Variants in RASGRF1 observed in about 807,000 individuals in gnomAD.
The protein encoded by RASGRF1 is Ras protein specific guanine nucleotide releasing factor 1.
A neutral mutation model predicts 138.7 loss-of-function variants in RASGRF1; 40 were observed. The ratio of observed to expected loss-of-function variants is 0.29; its 90% confidence interval spans 0.22 to 0.38. The LOEUF is 0.38. RASGRF1 is among the 10% of genes least tolerant of loss of function. RASGRF1 has a pLI of 1.00. For synonymous variants in RASGRF1, 614 were observed against 663.2 expected (o/e 0.93, Z 1.14); for missense variants, 1,108 against 1,650.4 (o/e 0.67, Z 5.69).
intron 1 of RASGRF1, among the ~76,000 whole-genome samples, chr15:79,080,154 C>T (rs539764381): frequency 1.3e-5 from 2 of 152,224 alleles, no homozygotes; most frequent in Non-Finnish European, 2.9e-5. Flanking sequence ...GCCTGTTTCC[C>T]TCCTTGCTCA....
chr15:79,027,344 A>T lies in RASGRF1; in HGVS notation c.1381+397T>A, dbSNP rs1272083762. ...GAGGAAAGGACAGGGGAATGGACCC[A>T]ACACTGACCTCCTCCCAGACACTGA... On this transcript the variant is annotated intron_variant, in intron 9 of 26. Coordinates refer to ENST00000558480, the MANE Select transcript of RASGRF1 (RefSeq NM_001145648.3). The surrounding 1 kb of genome is among the most constrained non-coding windows in gnomAD (Gnocchi z 4.8). Among the ~76,000 whole-genome samples, 1 of 152,162 alleles carries T rather than the reference A, an allele frequency of 6.6e-6. No homozygotes were observed. The highest frequency in any genetic ancestry group is 1.9e-4 in the East Asian group (1 of 5,192).
chr15:78,969,094 T>G (rs2055700682), intron 26 of RASGRF1, among the ~76,000 whole-genome samples: 1 of 152,218 alleles, frequency 6.6e-6, no homozygotes, highest in African/African-American at 2.4e-5. Flanking sequence ...CTCTATTGCA[T>G]CAGGTTTGAA....
chr15:79,062,190 G>A (rs1595954164), intron 2 of RASGRF1, among the ~76,000 whole-genome samples: 1 of 152,314 alleles, frequency 6.6e-6, no homozygotes, highest in East Asian at 1.9e-4. Flanking sequence ...GCACGTAAAA[G>A]TTAGAATTCT....
At chr15:79,039,608 GA>G (rs1210414883) in intron 5 of RASGRF1, among the ~76,000 whole-genome samples, 3 of 152,064 alleles carry the variant, frequency 2.0e-5, no homozygotes, top group African/African-American at 4.8e-5. Context: ...ACATCTTTAC[GA>G]CACACATCTT....
At position 78,971,907 on chromosome 15, in the gene RASGRF1, G is replaced by T; in HGVS notation, c.3640C>A (p.Gln1214Lys). The change falls in exon 26 of 27, where the codon CAG (glutamine) becomes AAG (lysine). Residue 1214 changes from glutamine (Q) to lysine (K), a missense_variant. By Grantham distance (53) the Gln-to-Lys change is moderately conservative (BLOSUM62 1). Transcript: ENST00000558480. ...MISHIIREIR[Q>K]FQQTAYKIEH... ...ATTTTGTAGGCAGTTTGTTGAAACT[G>T]GCGAATCTCTCGGATAATATGGGAT... The T allele has an allele frequency of 6.3e-7, 1 of 1,590,534 alleles. No homozygotes were observed. Among genetic ancestry groups the T allele is most frequent in the South Asian group, 1.1e-5 (1 of 90,546 alleles).
At chr15:78,964,477 T>G (rs983411864) in intron 26 of RASGRF1, among the ~76,000 whole-genome samples, 1 of 152,110 alleles carries the variant, frequency 6.6e-6, no homozygotes, top group Non-Finnish European at 1.5e-5. Context: ...CCCTGGCCAG[T>G]AATATTTATT....
intron 22 of RASGRF1, among the ~76,000 whole-genome samples, chr15:78,989,460 G>C (rs1209502276): frequency 6.6e-6 from 1 of 151,646 alleles, no homozygotes; most frequent in African/African-American, 2.4e-5. Flanking sequence ...TAACATTAAA[G>C]AGAATGTTTA....
chr15:79,041,557 C>T (rs1567564306), intron 5 of RASGRF1, among the ~76,000 whole-genome samples: 1 of 152,110 alleles, frequency 6.6e-6, no homozygotes, highest in Non-Finnish European at 1.5e-5. Context: ...GACATGGCAT[C>T]CAAGGAAAGA....
intron 13 of RASGRF1, among the ~76,000 whole-genome samples, chr15:79,013,890 T>C (rs1472925276): frequency 1.3e-5 from 2 of 152,264 alleles, no homozygotes; most frequent in East Asian, 3.8e-4. Context: ...TTTTGGTTTT[T>C]CTGGTTTTTG....
chr15:79,071,937 G>A lies in RASGRF1; in HGVS notation c.277-7411C>T, dbSNP rs573082797. ...CTCCTTCCCACTGTCCTAGAAATCT[G>A]AACACATATCTTCTGGCCCTAAGAC... On this transcript the variant is annotated intron_variant, in intron 1 of 26. Transcript: ENST00000558480. Among the ~76,000 whole-genome samples the A allele has an allele frequency of 1.1e-4, 16 of 152,276 alleles. No homozygotes were observed. In the South Asian group the frequency reaches 2.7e-3, roughly 26 times the overall value.
chr15:79,080,547 C>T (rs1304532880), intron 1 of RASGRF1, among the ~76,000 whole-genome samples: 1 of 152,162 alleles, frequency 6.6e-6, no homozygotes, highest in Non-Finnish European at 1.5e-5. Context: ...TCATCTTGAT[C>T]ACGTTTCTCT....
chr15:78,971,273 C>G (rs1596310573), intron 26 of RASGRF1, among the ~76,000 whole-genome samples: 1 of 152,116 alleles, frequency 6.6e-6, no homozygotes, highest in Non-Finnish European at 1.5e-5. Context: ...CCTAAATGTT[C>G]ATCAATACAG....
At chr15:79,019,391 T>G (rs2056927133) in intron 11 of RASGRF1, among the ~76,000 whole-genome samples, 1 of 151,994 alleles carries the variant, frequency 6.6e-6, no homozygotes, top group Non-Finnish European at 1.5e-5. Context: ...GGGAGATAAA[T>G]CCCATCAAAC....
At chr15:78,994,106 T>C (rs1374643683) in intron 20 of RASGRF1, among the ~76,000 whole-genome samples, 2 of 152,170 alleles carry the variant, frequency 1.3e-5, no homozygotes, top group Non-Finnish European at 2.9e-5. Context: ...ACATTCCAGG[T>C]GAGCCCCTGT....
Position 78,998,214 on chromosome 15 carries a change from G to A in RASGRF1, c.2854-6C>T, listed in dbSNP as rs532060874. On this transcript the variant is annotated splice_polypyrimidine_tract_variant and splice_region_variant and intron_variant, in intron 18 of 26. Coordinates refer to ENST00000558480, the MANE Select transcript of RASGRF1 (RefSeq NM_001145648.3). The stretch of plus-strand genomic sequence containing the variant: ...TCATCGTTGGTCTCAAAGTCCTGCC[G>A]GGAAGGTGTGATGGGTGGCTCTGGT... 1.5e-5 allele frequency: 24 copies of A among 1,611,808 alleles called. No individual in the cohort carries two copies. Among genetic ancestry groups the A allele is most frequent in the African/African-American group, 6.7e-5 (5 of 74,884 alleles).
chr15:79,028,239 AC>A (rs2057088647), intron 8 of RASGRF1, among the ~76,000 whole-genome samples: 1 of 152,104 alleles, frequency 6.6e-6, no homozygotes, highest in South Asian at 2.1e-4. Context: ...TGTGTTCATG[AC>A]CCTGACCCTC....
intron 25 of RASGRF1, among the ~76,000 whole-genome samples, chr15:78,972,979 T>C (rs2055799791): frequency 6.6e-6 from 1 of 152,084 alleles, no homozygotes; most frequent in South Asian, 2.1e-4. Flanking sequence ...CCTTTACTTG[T>C]GGGGTGACCT....
In RASGRF1 at chr15:79,090,330, C is replaced by T. The variant is rs373629911; in HGVS notation, c.169G>A (p.Asp57Asn). 16 of 1,613,812 alleles carry T rather than the reference C, an allele frequency of 9.9e-6. No individual in the cohort carries two copies. The highest frequency in any genetic ancestry group is 3.3e-5 in the South Asian group (3 of 91,088). ...AGCCCCGAGGGCCGCGAGCTCGAGT[C>T]GCTCTCGAAGTAGAAGAGCAGGTTC... ...LQNLLFYFES[D>N]SSSRPSGLYL... is the part of the protein sequence containing the mutation. The change falls in exon 1 of 27, where the codon GAC (aspartate) becomes AAC (asparagine). Residue 57 changes from aspartate (D) to asparagine (N), a missense_variant. Coordinates refer to ENST00000558480, the MANE Select transcript of RASGRF1 (RefSeq NM_001145648.3).
chr15:79,083,982 A>C (rs2057947297), intron 1 of RASGRF1, among the ~76,000 whole-genome samples: 1 of 142,808 alleles, frequency 7.0e-6, no homozygotes, highest in African/African-American at 2.7e-5. Context: ...TTAAATCTGC[A>C]TTCATAGCAT....
Sources: gnomAD v4.1 joint callset for allele counts (sites outside exome capture counted in the v4.1 genomes callset) on GRCh38, gnomAD v4.1.1 for gene constraint, Gnocchi (gnomAD v3.1) non-coding constraint, MANE v1.5 for transcripts, NCBI Gene and HGNC (gene_info 2026-07-23, HGNC 2026-07-21) for gene names.